FGD3: variants seen among roughly 807,000 people sequenced by gnomAD.
FGD3 encodes the protein FYVE, RhoGEF and PH domain-containing protein 3.
Under a neutral mutation model 71.8 loss-of-function variants are expected in FGD3, and 45 were observed. The observed-to-expected ratio is 0.63, with a 90% CI of 0.49 to 0.80. FGD3 has a LOEUF of 0.80. Ranked by LOEUF, FGD3 falls within the 30% of genes least tolerant of loss-of-function variation. The pLI is 0.00. For missense variants in FGD3, 844 were observed against 951.5 expected (o/e 0.89, Z 1.49); for synonymous variants, 378 against 392.8 (o/e 0.96, Z 0.44).
intron 1 of FGD3, among the ~76,000 whole-genome samples, chr9:92,968,256 C>CA (rs1312376245): frequency 1.3e-4 from 20 of 152,248 alleles, no homozygotes; most frequent in Non-Finnish European, 2.8e-4. Flanking sequence ...CAGTCTTAAA[C>CA]AGTAGAAGTA....
chr9:93,015,859 C>T (rs777405933), intron 10 of FGD3, 30 bp downstream of exon 10: 3 of 1,601,064 alleles, frequency 1.9e-6, no homozygotes, highest in South Asian at 2.2e-5. Context: ...TCAAACCTGT[C>T]CCCCTGGAAG....
chr9:92,962,291 G>A (rs777730888), intron 1 of FGD3, among the ~76,000 whole-genome samples: 8 of 152,238 alleles, frequency 5.3e-5, no homozygotes, highest in Non-Finnish European at 1.0e-4. Flanking sequence ...GACGACAGTT[G>A]TGTATTCCTA....
At chr9:92,959,523 C>T (rs577363980) in intron 1 of FGD3, among the ~76,000 whole-genome samples, 2 of 151,536 alleles carry the variant, frequency 1.3e-5, no homozygotes, top group African/African-American at 4.9e-5. Context: ...GCCTGGGAAA[C>T]ATAGCCAGAG....
chr9:93,011,407 C>T, intron 8 of FGD3, 135 bp downstream of exon 8: 8 of 1,061,826 alleles, frequency 7.5e-6, no homozygotes, highest in Non-Finnish European at 9.9e-6. Flanking sequence ...TCCTTCCACC[C>T]CCATCCCCAG....
chr9:93,027,831 T>C (rs1391463897), intron 14 of FGD3, among the ~76,000 whole-genome samples: 1 of 144,246 alleles, frequency 6.9e-6, no homozygotes, highest in Non-Finnish European at 1.5e-5. Context: ...GCGATCCTCC[T>C]ACCTAAGCCC....
intron 6 of FGD3, among the ~76,000 whole-genome samples, chr9:93,008,376 AC>A (rs757665668): frequency 1.3e-5 from 2 of 151,890 alleles, no homozygotes; most frequent in Non-Finnish European, 2.9e-5. Context: ...CCATAACCCA[AC>A]CCAGGGCCAC....
At chr9:93,004,296 C>T (rs938738231) in intron 5 of FGD3, among the ~76,000 whole-genome samples, 159 bp downstream of exon 5, 9 of 152,218 alleles carry the variant, frequency 5.9e-5, no homozygotes, top group Non-Finnish European at 1.0e-4. Flanking sequence ...TCCACCCCTT[C>T]CTGGTTGGTG....
chr9:92,967,912 G>A (rs1454121450), intron 1 of FGD3, among the ~76,000 whole-genome samples: 2 of 152,178 alleles, frequency 1.3e-5, no homozygotes, highest in Non-Finnish European at 2.9e-5. Context: ...GTTCTATGGA[G>A]AGGCCACCTT....
intron 14 of FGD3, among the ~76,000 whole-genome samples, chr9:93,024,527 C>T (rs1420038817): frequency 6.6e-6 from 1 of 152,260 alleles, no homozygotes; most frequent in African/African-American, 2.4e-5. Flanking sequence ...CATCCGTGGT[C>T]ACAGTCCTGC....
chr9:93,017,119 T>C (rs1861733309), intron 10 of FGD3, among the ~76,000 whole-genome samples: 1 of 151,988 alleles, frequency 6.6e-6, no homozygotes, highest in Non-Finnish European at 1.5e-5. Flanking sequence ...AAATAAAAAA[T>C]TAGCCAGGCA....
At chr9:93,023,272 C>G (rs1587866697) in intron 14 of FGD3, among the ~76,000 whole-genome samples, 1 of 152,210 alleles carries the variant, frequency 6.6e-6, no homozygotes, top group African/African-American at 2.4e-5. Flanking sequence ...GCTGCCCCCT[C>G]CCATGACCTG....
rs192769665 is a variant in FGD3 at position 92,959,999 on chromosome 9, G to A, written c.-218+12270G>A. ...ACATCTCCATATTCTTCATGTCCCC[G>A]TATCCCTCACGTCCCCGAGTCCCTG... On this transcript the variant is annotated intron_variant, in intron 1 of 17. Transcript: ENST00000375482. Among the ~76,000 whole-genome samples the A allele has an allele frequency of 5.3e-5, 8 of 151,516 alleles. No homozygotes were observed. The East Asian group carries it at 9.7e-4, about 18-fold the overall frequency.
Position 93,034,659 on chromosome 9 carries a change from T to C in FGD3, c.1904T>C (p.Leu635Pro), listed in dbSNP as rs1862519063. 6.2e-7 allele frequency: 1 copy of C among 1,613,070 alleles called. No individual in the cohort carries two copies. Among genetic ancestry groups the C allele is most frequent in the Non-Finnish European group, 8.5e-7 (1 of 1,179,718 alleles). Residue 635 changes from leucine to proline, a missense_variant, in exon 17 of 18, where the codon CTG becomes CCG. By Grantham distance (98) the Leu-to-Pro change is moderately conservative. Coordinates refer to ENST00000375482, the MANE Select transcript of FGD3 (RefSeq NM_001083536.2). ...ATCCCCATGTCAGATCCCCAGGTGCTGCACCTGCAGGGAGGCAGCCAGGTA... is the reference window on the plus strand; with the variant it reads ...ATCCCCATGTCAGATCCCCAGGTGCCGCACCTGCAGGGAGGCAGCCAGGTA... The part of the protein sequence containing the change: ...AAIPMSDPQV[L>P]HLQGGSQDGR...
At chr9:92,981,916 A>C (rs1860015263) in intron 3 of FGD3, among the ~76,000 whole-genome samples, 1 of 152,126 alleles carries the variant, frequency 6.6e-6, no homozygotes, top group African/African-American at 2.4e-5. Flanking sequence ...GATACATAGA[A>C]TATATAGTGA....
chr9:92,952,241 T>TC (rs1392179491), intron 1 of FGD3, among the ~76,000 whole-genome samples: 1 of 150,362 alleles, frequency 6.7e-6, no homozygotes, highest in East Asian at 1.9e-4. Flanking sequence ...CAATTTTTTT[T>TC]TTTTTTTTTT....
In FGD3 at chr9:93,035,354, G is replaced by C. The variant is rs200577392; in HGVS notation, c.1943G>C (p.Arg648Pro). ...CTGCTGCAGGACGGCCGGCTGCCCC[G>C]CACCATCCCTCTCCCCAGCTGCAAA... ...QGGSQDGRLP[R>P]TIPLPSCKLS... Residue 648 changes from arginine (R) to proline (P), a missense_variant, in exon 18 of 18, where the codon CGC becomes CCC. Physicochemically the swap from Arg to Pro is moderately radical, Grantham distance 103. Transcript: ENST00000375482. 1.9e-6 allele frequency: 3 copies of C among 1,609,618 alleles called. No individual in the cohort carries two copies. Among genetic ancestry groups the C allele is most frequent in the East Asian group, 4.5e-5 (2 of 44,778 alleles).
At chr9:93,004,827 A>C (rs1380297273) in intron 5 of FGD3, among the ~76,000 whole-genome samples, 1 of 152,190 alleles carries the variant, frequency 6.6e-6, no homozygotes, top group Non-Finnish European at 1.5e-5. Flanking sequence ...AGGAGACCAC[A>C]GAGGCTTGAC....
intron 8 of FGD3, among the ~76,000 whole-genome samples, chr9:93,012,703 G>GGGGGGA (rs1564163137): frequency 7.5e-6 from 1 of 133,942 alleles, no homozygotes; most frequent in Non-Finnish European, 1.6e-5. Flanking sequence ...GTGGGGGGGG[G>GGGGGGA]AAGAATCAAT....
At chr9:92,998,140 T>C (rs540761019) in intron 3 of FGD3, among the ~76,000 whole-genome samples, 38 of 152,298 alleles carry the variant, frequency 2.5e-4, no homozygotes, top group African/African-American at 9.1e-4. Flanking sequence ...TCACATAGTC[T>C]CATATTTCTT....
Sources: gnomAD v4.1 joint callset for allele counts (sites outside exome capture counted in the v4.1 genomes callset) on GRCh38, gnomAD v4.1.1 for gene constraint, MANE v1.5 for transcripts, NCBI Gene and HGNC (gene_info 2026-07-23, HGNC 2026-07-21) for gene names.